RDH10: variants seen among roughly 807,000 people sequenced by gnomAD.
RDH10 encodes the protein retinol dehydrogenase 10.
RDH10 carries 12 observed loss-of-function variants against 30.2 expected under a neutral mutation model. That is an observed-to-expected ratio of 0.40 (90% confidence interval 0.25 to 0.64). The LOEUF (loss-of-function observed/expected upper bound fraction) is 0.64, where lower values mean the gene tolerates loss of function less well. RDH10 is among the 30% of genes least tolerant of loss of function. The probability of loss-of-function intolerance (pLI) is 0.43; values close to 1 mark genes in which losing one functional copy is unlikely to be tolerated. For missense variants in RDH10, 268 were observed against 445.2 expected (o/e 0.60, Z 3.58); for synonymous variants, 189 against 172.2 (o/e 1.10, Z -0.76).
At position 73,295,257 on chromosome 8, in the gene RDH10, G is replaced by A. The variant is rs7003168; in HGVS notation, c.-33G>A. The A allele has an allele frequency of 1.3e-6, 2 of 1,526,478 alleles. No homozygotes were observed. The highest frequency in any genetic ancestry group is 2.9e-5 in the African/African-American group (2 of 70,022). The allele number at this position is 1,526,478 out of a possible 1,614,324, so 94.6% of individuals were successfully genotyped here. A position where few individuals can be genotyped will look rare whatever the true frequency, so the allele number is the denominator to read the frequency against. On this transcript the variant is annotated 5_prime_UTR_variant, in exon 1 of 6. Transcript: ENST00000240285. ...GGGCTCGGGGTGGGCGCGGACGCAGGCACTGGGCTCGTGCGGGGCCCCGGG... is the reference window on the plus strand; with the variant it reads ...GGGCTCGGGGTGGGCGCGGACGCAGACACTGGGCTCGTGCGGGGCCCCGGG...
chr8:73,304,131 T>G (rs1446274060), intron 2 of RDH10, among the ~76,000 whole-genome samples: 1 of 152,242 alleles, frequency 6.6e-6, no homozygotes, highest in Non-Finnish European at 1.5e-5. Context: ...AAGCCCACTT[T>G]GTCGTGCTTC....
chr8:73,295,008 C>A lies in RDH10; in HGVS notation c.-282C>A. ...AGCGGAGCCGGCCGGCCGGGCGCTG[C>A]GGGACGGGCGGGCGGCTGCCGGCAG... On this transcript the variant is annotated 5_prime_UTR_variant, in exon 1 of 6. Coordinates refer to ENST00000240285, the MANE Select transcript of RDH10 (RefSeq NM_172037.5). 1 of 372,644 alleles carries A rather than the reference C, an allele frequency of 2.7e-6. No individual in the cohort carries two copies. Among genetic ancestry groups the A allele is most frequent in the Non-Finnish European group, 4.8e-6 (1 of 209,522 alleles). The allele number at this position is 372,644 out of a possible 1,614,324, so 23.1% of individuals were successfully genotyped here. A position where few individuals can be genotyped will look rare whatever the true frequency, so the allele number is the denominator to read the frequency against.
intron 2 of RDH10, among the ~76,000 whole-genome samples, chr8:73,304,013 A>T (rs1814425851): frequency 1.3e-5 from 2 of 152,202 alleles, no homozygotes; most frequent in South Asian, 4.1e-4. Flanking sequence ...AATGAAAAAA[A>T]CAGCAATGCT....
intron 1 of RDH10, chr8:73,295,785 C>T (rs1168857077): frequency 2.9e-6 from 3 of 1,022,092 alleles, no homozygotes; most frequent in African/African-American, 1.7e-5. Flanking sequence ...GTGCCCTGTC[C>T]TCGCGGAGGT....
rs147248423 is a variant in RDH10 at position 73,299,780 on chromosome 8, T to C, written c.525+2351T>C. Among the ~76,000 whole-genome samples the C allele has an allele frequency of 3.5e-3, 527 of 152,350 alleles. 3 individuals carry two copies. The highest frequency in any genetic ancestry group is 5.6e-3 in the Admixed American group (86 of 15,304). ...CCCCATACAATCTGCAGTTAAATAC[T>C]TAAAACAAGAAACCAGCTCCAGGAA... is the stretch of plus-strand genomic sequence containing the variant. On this transcript the variant is annotated intron_variant, in intron 2 of 5. Coordinates refer to ENST00000240285, the MANE Select transcript of RDH10 (RefSeq NM_172037.5).
chr8:73,301,346 G>T (rs112772938), intron 2 of RDH10, among the ~76,000 whole-genome samples: 12 of 150,820 alleles, frequency 8.0e-5, no homozygotes, highest in Non-Finnish European at 1.0e-4. Flanking sequence ...CACCGCGCCC[G>T]GCCAAAACTC....
chr8:73,309,928 C>G (rs1056894760), intron 2 of RDH10, among the ~76,000 whole-genome samples: 7 of 152,112 alleles, frequency 4.6e-5, no homozygotes, highest in African/African-American at 1.7e-4. Context: ...TTACCCAGCC[C>G]CAAATGTAAT....
chr8:73,319,707 G>T (rs1438246611), intron 3 of RDH10, among the ~76,000 whole-genome samples: 1 of 152,208 alleles, frequency 6.6e-6, no homozygotes, highest in Non-Finnish European at 1.5e-5. Flanking sequence ...ACCATGGAAA[G>T]CTGTGGGGAA....
In RDH10 at chr8:73,294,708, G is replaced by A. The variant is rs1250422979; in HGVS notation, c.-582G>A. 1.1e-5 allele frequency: 4 copies of A among 370,424 alleles called. No individual in the cohort carries two copies. Among genetic ancestry groups the A allele is most frequent in the African/African-American group, 2.1e-5 (1 of 47,354 alleles). The allele number at this position is 370,424 out of a possible 1,614,324, so 22.9% of individuals were successfully genotyped here. Reference sequence around the variant, plus strand: ...GGGCCGGGGAACGCGAGCCCTCGGGGGCAGCTGCAAGGCGTTGGGCAGCGC... The same window carrying A: ...GGGCCGGGGAACGCGAGCCCTCGGGAGCAGCTGCAAGGCGTTGGGCAGCGC... On this transcript the variant is annotated 5_prime_UTR_variant, in exon 1 of 6. Coordinates refer to ENST00000240285, the MANE Select transcript of RDH10 (RefSeq NM_172037.5).
At chr8:73,299,377 A>G (rs1248656174) in intron 2 of RDH10, among the ~76,000 whole-genome samples, 1 of 152,246 alleles carries the variant, frequency 6.6e-6, no homozygotes, top group Admixed American at 6.5e-5. Flanking sequence ...AACTTGACAT[A>G]GAATTTATCA....
chr8:73,311,758 A>C (rs1053626041), intron 2 of RDH10: 1 of 152,224 alleles, frequency 6.6e-6, no homozygotes, highest in African/African-American at 2.4e-5. Flanking sequence ...TAAGATGAAC[A>C]TTTTGTTAAG....
At position 73,295,585 on chromosome 8, in the gene RDH10, T is replaced by C. The variant is rs1364608472; in HGVS notation, c.289+7T>C. The C allele has an allele frequency of 2.0e-6, 3 of 1,492,466 alleles. No individual in the cohort carries two copies. In the Admixed American group the frequency reaches 6.8e-5, roughly 34 times the overall value. 92.5% of individuals were successfully genotyped at this position (1,492,466 alleles called of 1,614,324 possible). On this transcript the variant is annotated splice_region_variant and intron_variant, in intron 1 of 5. Coordinates refer to ENST00000240285, the MANE Select transcript of RDH10 (RefSeq NM_172037.5). ...GACGCCGCTGCGCTGCAAGGTAACC[T>C]GGACCCGCGCGGGAGCATTGTTGGG...
At chr8:73,319,064 A>C in intron 2 of RDH10, 32 bp from the exon 3 acceptor site, 1 of 1,411,062 alleles carries the variant, frequency 7.1e-7, no homozygotes, top group Non-Finnish European at 1.0e-6. Context: ...TCATGAAATC[A>C]GTTCTAAAAC....
Position 73,323,147 on chromosome 8 carries a change from T to C in RDH10, c.*111T>C. Reference sequence around the variant, plus strand: ...TGGATTCTAAACTTGTGTTGTTTCTTTTTTAAATCAACTTTTTAAAAAAAT... The same window carrying C: ...TGGATTCTAAACTTGTGTTGTTTCTCTTTTAAATCAACTTTTTAAAAAAAT... On this transcript the variant is annotated 3_prime_UTR_variant, in exon 6 of 6. Transcript: ENST00000240285. 6.7e-6 allele frequency: 6 copies of C among 897,596 alleles called. No individual in the cohort carries two copies. The highest frequency in any genetic ancestry group is 1.0e-5 in the Non-Finnish European group (6 of 582,262). The allele number at this position is 897,596 out of a possible 1,614,324, so 55.6% of individuals were successfully genotyped here.
rs1337969111 is a variant in RDH10, at chr8:73,316,688, G to A, written c.526-2408G>A. Among the ~76,000 whole-genome samples, 5 of 152,256 alleles carry A rather than the reference G, an allele frequency of 3.3e-5. No individual in the cohort carries two copies. The South Asian group carries it at 6.2e-4, about 19-fold the overall frequency. On this transcript the variant is annotated intron_variant, in intron 2 of 5. Coordinates refer to ENST00000240285, the MANE Select transcript of RDH10 (RefSeq NM_172037.5). ...AAGAAAAGAAGTCTAATTGGCTCAC[G>A]GTTCTGCAGGCTGTACAGGAAGCAT...
At chr8:73,302,138 A>G (rs1814390403) in intron 2 of RDH10, among the ~76,000 whole-genome samples, 2 of 152,240 alleles carry the variant, frequency 1.3e-5, no homozygotes, top group South Asian at 2.1e-4. Context: ...ATAATTCTGT[A>G]CAGCCTTCCA....
At chr8:73,302,880 T>G (rs1209124855) in intron 2 of RDH10, among the ~76,000 whole-genome samples, 1 of 152,226 alleles carries the variant, frequency 6.6e-6, no homozygotes, top group African/African-American at 2.4e-5. Flanking sequence ...AGAGCTGCAT[T>G]TGGCCTTTAT....
chr8:73,297,500 C>T (rs573099761), intron 2 of RDH10, 71 bp downstream of exon 2: 1 of 1,133,568 alleles, frequency 8.8e-7, no homozygotes, highest in East Asian at 2.3e-5. Flanking sequence ...GGAGAGACTT[C>T]AGTGCCAGCC....
At chr8:73,322,368 C>G (rs557975317) in intron 4 of RDH10, 1 of 291,100 alleles carries the variant, frequency 3.4e-6, no homozygotes, top group South Asian at 3.8e-5. Context: ...ACCTTCTCCT[C>G]TTTCTATTGA....
Sources: allele counts gnomAD v4.1 joint callset (sites outside exome capture counted in the v4.1 genomes callset), GRCh38; gene constraint gnomAD v4.1.1; transcripts MANE v1.5; gene names NCBI Gene and HGNC (gene_info 2026-07-23, HGNC 2026-07-21).